CPA6: variants seen among roughly 807,000 people sequenced by gnomAD.
CPA6 encodes the protein carboxypeptidase B.
A neutral mutation model predicts 63.3 loss-of-function variants in CPA6; 58 were observed. That is an observed-to-expected ratio of 0.92 (90% confidence interval 0.74 to 1.14). The LOEUF is 1.14. CPA6 is among the 50% of genes most tolerant of loss of function. The pLI is 0.00. For synonymous variants in CPA6, 185 were observed against 179.0 expected (o/e 1.03, Z -0.27); for missense variants, 565 against 526.6 (o/e 1.07, Z -0.71).
chr8:67,667,204 T>A (rs1218615054), intron 1 of CPA6, among the ~76,000 whole-genome samples: 2 of 152,172 alleles, frequency 1.3e-5, no homozygotes, highest in Non-Finnish European at 2.9e-5. Context: ...TGGTTCAGCA[T>A]GTCAAGAAAA....
intron 1 of CPA6, among the ~76,000 whole-genome samples, chr8:67,741,958 C>T: frequency 6.6e-6 from 1 of 152,176 alleles, no homozygotes; most frequent in East Asian, 1.9e-4. Context: ...CACTACCACA[C>T]AGCACTTACA....
chr8:67,550,445 G>A (rs191961886), intron 2 of CPA6, among the ~76,000 whole-genome samples: 10 of 152,180 alleles, frequency 6.6e-5, no homozygotes, highest in Admixed American at 5.9e-4. Context: ...ATCCACCATT[G>A]ACGGGCATCT....
chr8:67,564,029 G>T (rs1324942405), intron 2 of CPA6, among the ~76,000 whole-genome samples: 3 of 152,140 alleles, frequency 2.0e-5, no homozygotes, highest in Admixed American at 2.0e-4. Context: ...CCACTGAATG[G>T]ATGTTAGGAG....
chr8:67,484,507 T>C (rs1351715406), intron 7 of CPA6, among the ~76,000 whole-genome samples, 172 bp downstream of exon 7: 3 of 152,168 alleles, frequency 2.0e-5, no homozygotes, highest in Admixed American at 6.5e-5. Flanking sequence ...GATGTGAAAA[T>C]GAAATCTAAT....
At chr8:67,448,654 AGG>A (rs1169306443) in intron 8 of CPA6, among the ~76,000 whole-genome samples, 600 of 125,346 alleles carry the variant, frequency 4.8e-3, no homozygotes, top group African/African-American at 9.9e-3. Flanking sequence ...AAAAAAAAAA[AGG>A]AAAGAACGAA....
intron 1 of CPA6, among the ~76,000 whole-genome samples, chr8:67,717,789 G>C (rs990539238): frequency 6.6e-6 from 1 of 152,174 alleles, no homozygotes; most frequent in African/African-American, 2.4e-5. Flanking sequence ...TTGCTAGTGA[G>C]ATTTGATACA....
intron 8 of CPA6, among the ~76,000 whole-genome samples, chr8:67,462,655 G>GTC (rs1233381026): frequency 6.6e-6 from 1 of 152,062 alleles, no homozygotes; most frequent in South Asian, 2.1e-4. Context: ...CAATTCTCTT[G>GTC]TCTCTCTCTT....
At chr8:67,677,890 G>A (rs1816511127) in intron 1 of CPA6, among the ~76,000 whole-genome samples, 1 of 148,788 alleles carries the variant, frequency 6.7e-6, no homozygotes, top group Non-Finnish European at 1.5e-5. Flanking sequence ...AAAAAAAAAA[G>A]AATATCTTCA....
rs746533204 is a variant in CPA6, at chr8:67,745,989, A to G, written c.116+25T>C. 3.8e-6 allele frequency: 6 copies of G among 1,560,272 alleles called. No individual in the cohort carries two copies. In the Admixed American group the frequency reaches 6.8e-5, roughly 18 times the overall value. ...CCCCAGATCCAAATCAAAGCTGTGT[A>G]GGGCATGAATGTCGCTCCACTTACC... On this transcript the variant is annotated intron_variant, in intron 1 of 10. Coordinates refer to ENST00000297770, the MANE Select transcript of CPA6 (RefSeq NM_020361.5).
At chr8:67,730,892 A>G (rs1817693049) in intron 1 of CPA6, among the ~76,000 whole-genome samples, 1 of 152,236 alleles carries the variant, frequency 6.6e-6, no homozygotes, top group African/African-American at 2.4e-5. Flanking sequence ...GCCATGTATA[A>G]TAACTATAAG....
At chr8:67,538,209 T>A (rs1812628928) in intron 2 of CPA6, among the ~76,000 whole-genome samples, 1 of 152,252 alleles carries the variant, frequency 6.6e-6, no homozygotes, top group South Asian at 2.1e-4. Flanking sequence ...GTCTGCTTTG[T>A]CCAGAGTTGA....
intron 2 of CPA6, among the ~76,000 whole-genome samples, chr8:67,574,701 T>A (rs999091849): frequency 6.6e-6 from 1 of 152,044 alleles, no homozygotes; most frequent in Non-Finnish European, 1.5e-5. Context: ...AAGAATAAAT[T>A]TGGACCCTTA....
chr8:67,539,429 A>AT (rs1192687609), intron 2 of CPA6, among the ~76,000 whole-genome samples: 1 of 151,790 alleles, frequency 6.6e-6, no homozygotes, highest in African/African-American at 2.4e-5. Context: ...TGCCCTTAAC[A>AT]TTTTTCCTTG....
At chr8:67,572,508 A>G (rs942062274) in intron 2 of CPA6, among the ~76,000 whole-genome samples, 1 of 152,210 alleles carries the variant, frequency 6.6e-6, no homozygotes, top group Non-Finnish European at 1.5e-5. Context: ...GTGATGCAGC[A>G]TGAAAGCCCT....
chr8:67,716,948 T>G (rs534675109), intron 1 of CPA6, among the ~76,000 whole-genome samples: 16 of 152,252 alleles, frequency 1.1e-4, no homozygotes, highest in African/African-American at 3.9e-4. Context: ...CCACACATGG[T>G]AGGGTTTTAG....
intron 1 of CPA6, among the ~76,000 whole-genome samples, chr8:67,657,860 G>A (rs553660092): frequency 6.6e-6 from 1 of 152,238 alleles, no homozygotes; most frequent in South Asian, 2.1e-4. Context: ...TCTCCCTGCA[G>A]CCACCAGGAG....
chr8:67,556,435 A>G (rs1376732995), intron 2 of CPA6, among the ~76,000 whole-genome samples: 5 of 152,154 alleles, frequency 3.3e-5, no homozygotes, highest in African/African-American at 1.2e-4. Context: ...TTGAAGGTGA[A>G]CGAGGGGAGA....
intron 2 of CPA6, among the ~76,000 whole-genome samples, chr8:67,545,391 TC>T (rs1356508745): frequency 6.6e-6 from 1 of 152,150 alleles, no homozygotes; most frequent in Non-Finnish European, 1.5e-5. Flanking sequence ...TGGTCTACCT[TC>T]CAATTGGTTC....
At chr8:67,678,257 AC>A (rs1816521502) in intron 1 of CPA6, among the ~76,000 whole-genome samples, 1 of 152,030 alleles carries the variant, frequency 6.6e-6, no homozygotes, top group South Asian at 2.1e-4. Flanking sequence ...ACACACACAC[AC>A]ACACAAACCC....
Sources: gnomAD v4.1 joint callset for allele counts (sites outside exome capture counted in the v4.1 genomes callset) on GRCh38, gnomAD v4.1.1 for gene constraint, MANE v1.5 for transcripts, NCBI Gene and HGNC (gene_info 2026-07-23, HGNC 2026-07-21) for gene names.